FUBP3: variants seen among roughly 807,000 people sequenced by gnomAD.
FUBP3 encodes far upstream element binding protein 3.
Under a neutral mutation model 85.6 loss-of-function variants are expected in FUBP3, and 28 were observed. That is an observed-to-expected ratio of 0.33 (90% CI 0.24 to 0.45). The LOEUF (loss-of-function observed/expected upper bound fraction) is 0.45. Among genes scored for constraint, FUBP3 ranks in the 20% least tolerant of loss-of-function variants. FUBP3 has a pLI of 1.00. For synonymous variants in FUBP3, 271 were observed against 271.4 expected (o/e 1.00, Z 0.01); for missense variants, 583 against 755.1 (o/e 0.77, Z 2.67).
chr9:130,600,245 G>A (rs1432591191), intron 2 of FUBP3, among the ~76,000 whole-genome samples: 1 of 151,638 alleles, frequency 6.6e-6, no homozygotes, highest in African/African-American at 2.4e-5. Context: ...CCTTCCTTCC[G>A]CGGTTACTGG....
chr9:130,583,776 A>G (rs756803881), intron 1 of FUBP3, among the ~76,000 whole-genome samples: 10 of 152,200 alleles, frequency 6.6e-5, no homozygotes, highest in Non-Finnish European at 4.4e-5. Flanking sequence ...ATGTTAATGG[A>G]AGTGCTGAAC....
chr9:130,623,648 G>A lies in FUBP3; in HGVS notation c.912G>A (p.Met304Ile), dbSNP rs763564658. ...GISPERAAQV[M>I]GPPDRCQHAA... ...GTCCAGAAAGAGCTGCCCAGGTCAT[G>A]GGCCCTCCGGATCGGTGTCAGCATG... The change falls in exon 11 of 19, where the codon ATG (methionine) becomes ATA (isoleucine). Residue 304 changes from methionine (M) to isoleucine (I), a missense_variant. By Grantham distance (10) the Met-to-Ile change is conservative (BLOSUM62 1). Around this residue, in one of 3 missense-constraint regions of FUBP3, gnomAD observed 404 missense variants for 516.8 expected, o/e 0.78. Coordinates refer to ENST00000319725, the MANE Select transcript of FUBP3 (RefSeq NM_003934.2). 1 of 1,613,948 alleles carries A rather than the reference G, an allele frequency of 6.2e-7. No homozygotes were observed. Among genetic ancestry groups the A allele is most frequent in the Non-Finnish European group, 8.5e-7 (1 of 1,179,840 alleles).
At chr9:130,596,511 TG>T (rs1220862140) in intron 2 of FUBP3, 1 of 161,346 alleles carries the variant, frequency 6.2e-6, no homozygotes. Flanking sequence ...TAGGAATTCT[TG>T]TTTTTTTTTT....
chr9:130,589,703 ATATT>A (rs1379311166), intron 1 of FUBP3, among the ~76,000 whole-genome samples: 10 of 28,582 alleles, frequency 3.5e-4, no homozygotes, highest in South Asian at 1.0e-3. Context: ...ATATATATAT[ATATT>A]TTTTTTTTTT....
rs372793709 is a variant in FUBP3 at position 130,606,388 on chromosome 9, AC to A, written c.191-3557del. On this transcript the variant is annotated intron_variant, in intron 2 of 18. Transcript: ENST00000319725. ...TAAAAACTGGTATTCCTCTCTCCCC[AC>A]CCCCCCCCAACAGACTCACTCACCT... Among the ~76,000 whole-genome samples, 122 of 147,682 alleles carry A rather than the reference AC, an allele frequency of 8.3e-4. 1 individual carries two copies. The highest frequency in any genetic ancestry group is 2.8e-3 in the Admixed American group (42 of 14,850).
intron 8 of FUBP3, among the ~76,000 whole-genome samples, chr9:130,620,035 G>GA (rs1412180187): frequency 1.3e-5 from 2 of 152,152 alleles, no homozygotes; most frequent in African/African-American, 4.8e-5. Flanking sequence ...TGATCAGAAA[G>GA]AAAAAGATTT....
chr9:130,603,202 C>T (rs1030153160), intron 2 of FUBP3, among the ~76,000 whole-genome samples: 1 of 151,992 alleles, frequency 6.6e-6, no homozygotes, highest in Non-Finnish European at 1.5e-5. Flanking sequence ...CAAAAATTAG[C>T]TGGATGTGGT....
intron 1 of FUBP3, 87 bp downstream of exon 1, chr9:130,579,851 G>C (rs936389499): frequency 6.2e-6 from 5 of 810,932 alleles, no homozygotes; most frequent in South Asian, 1.3e-4. Flanking sequence ...TGGGGGGCGG[G>C]AGGCAGCCTG....
At chr9:130,611,841 T>G (rs975114738) in intron 3 of FUBP3, among the ~76,000 whole-genome samples, 11 of 151,834 alleles carry the variant, frequency 7.2e-5, no homozygotes, top group African/African-American at 2.7e-4. Flanking sequence ...TGGGATAGCA[T>G]TTAACAGAAG....
rs755159634 is a variant in FUBP3 at position 130,632,190 on chromosome 9, T to C, written c.1434-12T>C. The C allele has an allele frequency of 9.3e-6, 15 of 1,611,726 alleles. No homozygotes were observed. In the South Asian group the frequency reaches 1.4e-4, roughly 15 times the overall value. ...CCCCTATAGGAACGAGTGACCCTCT[T>C]GTTATCCACAGTGGTCCTCCGGCCT... On this transcript the variant is annotated splice_polypyrimidine_tract_variant and intron_variant, in intron 15 of 18. Transcript: ENST00000319725.
intron 11 of FUBP3, among the ~76,000 whole-genome samples, chr9:130,625,717 G>A (rs1588157900): frequency 1.3e-5 from 2 of 152,206 alleles, no homozygotes; most frequent in Admixed American, 1.3e-4. Context: ...ATGCCTCAGA[G>A]ACTTCTCCAG....
chr9:130,633,349 T>C (rs953655538), intron 16 of FUBP3, among the ~76,000 whole-genome samples: 4 of 152,246 alleles, frequency 2.6e-5, no homozygotes, highest in African/African-American at 9.6e-5. Flanking sequence ...CTCTGCTCGC[T>C]TGGCCATAGG....
At chr9:130,631,832 G>T (rs1399967352) in intron 14 of FUBP3, 110 bp from the exon 15 acceptor site, 9 of 890,890 alleles carry the variant, frequency 1.0e-5, no homozygotes, top group Non-Finnish European at 1.7e-5. Flanking sequence ...CTCTCAGAGG[G>T]CAGAGGGTCT....
intron 12 of FUBP3, 100 bp downstream of exon 12, chr9:130,626,605 C>T: frequency 1.6e-6 from 2 of 1,274,586 alleles, no homozygotes; most frequent in Non-Finnish European, 2.2e-6. Context: ...CCCTTTGCTG[C>T]TGCAGGCTGG....
intron 12 of FUBP3, among the ~76,000 whole-genome samples, chr9:130,628,079 A>AACAC (rs377295927): frequency 0.22 from 32,363 of 145,980 alleles, 3,908 homozygotes; most frequent in African/African-American, 0.36. Context: ...CACCGCACTA[A>AACAC]ACACACGCAC....
Position 130,616,537 on chromosome 9 carries a change from G to A in FUBP3, c.567+20G>A, listed in dbSNP as rs371773343. ...TTGCAGGTGTGTGAGCCCGGAGCAC[G>A]GAGCACAGCGGCCGCTCGCAGCAGG... On this transcript the variant is annotated intron_variant, in intron 7 of 18. Coordinates refer to ENST00000319725, the MANE Select transcript of FUBP3 (RefSeq NM_003934.2). This position sits in a 1 kb window ranked among gnomAD's most constrained non-coding sequence, Gnocchi z 4.7. 4.6e-5 allele frequency: 74 copies of A among 1,607,306 alleles called. No homozygotes were observed. In the East Asian group the frequency reaches 4.7e-4, roughly 10 times the overall value.
At chr9:130,581,094 T>G (rs1830114938) in intron 1 of FUBP3, 2 of 152,284 alleles carry the variant, frequency 1.3e-5, no homozygotes, top group Non-Finnish European at 2.9e-5. Flanking sequence ...TGTGCTGATG[T>G]GTGACAGTCA....
chr9:130,618,947 G>A (rs1327288692), intron 8 of FUBP3, among the ~76,000 whole-genome samples: 1 of 152,152 alleles, frequency 6.6e-6, no homozygotes, highest in Non-Finnish European at 1.5e-5. Flanking sequence ...CACTTCCATC[G>A]GGCCAGAGTC....
intron 12 of FUBP3, 94 bp downstream of exon 12, chr9:130,626,599 T>C (rs1829986646): frequency 6.8e-6 from 9 of 1,317,476 alleles, no homozygotes; most frequent in Non-Finnish European, 8.5e-6. Flanking sequence ...TGAGGTCCCT[T>C]TGCTGCTGCA....
Sources: gnomAD v4.1 joint callset for allele counts (sites outside exome capture counted in the v4.1 genomes callset) on GRCh38, gnomAD v4.1.1 for gene constraint, gnomAD v4.1.1 regional missense constraint, Gnocchi (gnomAD v3.1) non-coding constraint, MANE v1.5 for transcripts, NCBI Gene and HGNC (gene_info 2026-07-23, HGNC 2026-07-21) for gene names.